TMEM266: variants seen among roughly 807,000 people sequenced by gnomAD.
The protein encoded by TMEM266 is Hv1 related protein 1.
A neutral mutation model predicts 50.5 loss-of-function variants in TMEM266; 33 were observed. That is an observed-to-expected ratio of 0.65 (90% confidence interval 0.50 to 0.87). TMEM266 has a LOEUF of 0.87. Ranked by LOEUF, TMEM266 falls within the 40% of genes least tolerant of loss-of-function variation. The pLI, the probability that TMEM266 is intolerant of heterozygous loss-of-function variation, is 0.00. For missense variants in TMEM266, 655 were observed against 695.1 expected, an observed-to-expected ratio of 0.94 and a Z score of 0.65; for synonymous variants, 310 against 292.3, an observed-to-expected ratio of 1.06 and a Z score of -0.62.
chr15:76,165,629 G>A (rs1027373127), intron 5 of TMEM266, among the ~76,000 whole-genome samples: 8 of 152,210 alleles, frequency 5.3e-5, no homozygotes, highest in Non-Finnish European at 7.3e-5. Flanking sequence ...TGGGGCTGGG[G>A]CTATGGCTGG....
intron 1 of TMEM266, among the ~76,000 whole-genome samples, chr15:76,103,958 A>G (rs2037042123): frequency 6.6e-6 from 1 of 150,780 alleles, no homozygotes; most frequent in Non-Finnish European, 1.5e-5. Context: ...CTGTAATCCC[A>G]GCCCTTTGGG....
chr15:76,069,231 G>T (rs985562112), intron 1 of TMEM266, among the ~76,000 whole-genome samples: 1 of 152,180 alleles, frequency 6.6e-6, no homozygotes, highest in Non-Finnish European at 1.5e-5. Flanking sequence ...AGTCAAGTAG[G>T]TAGCTCTGTG....
Position 76,072,394 on chromosome 15 carries a change from C to T in TMEM266, c.-97+12378C>T, listed in dbSNP as rs368342626. Among the ~76,000 whole-genome samples the T allele has an allele frequency of 2.2e-4, 32 of 147,370 alleles. No homozygotes were observed. In the East Asian group the frequency reaches 4.9e-3, roughly 23 times the overall value. On this transcript the variant is annotated intron_variant, in intron 1 of 10. Transcript: ENST00000388942. Reference sequence around the variant, plus strand: ...TGGAGGTTGCGGTGAGCCGAGATTGCGCCATTGCACTGCAGCCTGGGCAAC... The same window carrying T: ...TGGAGGTTGCGGTGAGCCGAGATTGTGCCATTGCACTGCAGCCTGGGCAAC...
At chr15:76,179,606 G>A (rs1200884690) in intron 8 of TMEM266, among the ~76,000 whole-genome samples, 15 of 152,072 alleles carry the variant, frequency 9.9e-5, no homozygotes, top group Non-Finnish European at 1.5e-5. Context: ...CACAGACCTG[G>A]CTCCCCTCAG....
chr15:76,187,017 A>G (rs1390023317), intron 8 of TMEM266, among the ~76,000 whole-genome samples: 1 of 152,136 alleles, frequency 6.6e-6, no homozygotes, highest in Non-Finnish European at 1.5e-5. Context: ...TGTTCCCTGC[A>G]ATGCAGCTGA....
chr15:76,086,260 T>A (rs1389399814), intron 1 of TMEM266, among the ~76,000 whole-genome samples: 1 of 152,090 alleles, frequency 6.6e-6, no homozygotes. Flanking sequence ...AGCTGAAGAA[T>A]CCAGGCACAG....
chr15:76,070,307 C>T (rs1222465111), intron 1 of TMEM266, among the ~76,000 whole-genome samples: 3 of 152,134 alleles, frequency 2.0e-5, no homozygotes, highest in Non-Finnish European at 4.4e-5. Flanking sequence ...AAGCCTTTTT[C>T]CTTCCAGGTT....
chr15:76,186,005 C>T (rs528226498), intron 8 of TMEM266, among the ~76,000 whole-genome samples: 3 of 152,348 alleles, frequency 2.0e-5, no homozygotes, highest in African/African-American at 7.2e-5. Flanking sequence ...CCTCCAGCCC[C>T]TGCTTTTCCC....
intron 1 of TMEM266, chr15:76,111,980 A>G (rs1383342909): frequency 6.6e-6 from 1 of 152,254 alleles, no homozygotes; most frequent in Non-Finnish European, 1.5e-5. Flanking sequence ...CCATGAAGTG[A>G]TATAGAGAAA....
chr15:76,181,587 G>C (rs2038406381), intron 8 of TMEM266: 1 of 152,186 alleles, frequency 6.6e-6, no homozygotes, highest in Non-Finnish European at 1.5e-5. Flanking sequence ...TTTTGGTGAG[G>C]GGTGGATCTT....
At chr15:76,109,464 G>A (rs928456476) in intron 1 of TMEM266, among the ~76,000 whole-genome samples, 2 of 152,164 alleles carry the variant, frequency 1.3e-5, no homozygotes, top group Non-Finnish European at 2.9e-5. Flanking sequence ...TAAAGACTCC[G>A]CATGCTTGGC....
chr15:76,191,720 T>C (rs1230470721), intron 8 of TMEM266: 1 of 445,372 alleles, frequency 2.2e-6, no homozygotes, highest in East Asian at 3.8e-5. Flanking sequence ...CGGGCATCCG[T>C]GAGATGGGGG....
At chr15:76,149,534 CTG>C (rs1443282600) in intron 3 of TMEM266, among the ~76,000 whole-genome samples, 2 of 152,176 alleles carry the variant, frequency 1.3e-5, no homozygotes, top group Non-Finnish European at 2.9e-5. Context: ...AGGATAAACA[CTG>C]TGTTATGGGC....
At chr15:76,071,746 A>G (rs2955733) in intron 1 of TMEM266, among the ~76,000 whole-genome samples, 130,660 of 152,106 alleles carry the variant, frequency 0.86, 56,225 homozygotes, top group South Asian at 0.91. Context: ...CACTGACCCC[A>G]GAAAGCAAGA....
At chr15:76,127,740 A>G (rs2142024303) in intron 1 of TMEM266, among the ~76,000 whole-genome samples, 1 of 152,302 alleles carries the variant, frequency 6.6e-6, no homozygotes, top group Middle Eastern at 3.4e-3. Flanking sequence ...AGCTTCTGCT[A>G]ATTCCAACAC....
chr15:76,171,738 A>G (rs1007314506), intron 7 of TMEM266, among the ~76,000 whole-genome samples: 2 of 152,182 alleles, frequency 1.3e-5, no homozygotes, highest in South Asian at 2.1e-4. Flanking sequence ...TGCAGAAAGT[A>G]TCTGGTCCAC....
intron 3 of TMEM266, among the ~76,000 whole-genome samples, chr15:76,155,940 A>T (rs1226929700): frequency 6.6e-6 from 1 of 152,252 alleles, no homozygotes; most frequent in Non-Finnish European, 1.5e-5. Flanking sequence ...AAGTGCAGTA[A>T]TAACACATTG....
intron 6 of TMEM266, among the ~76,000 whole-genome samples, chr15:76,170,456 A>T (rs772218926): frequency 4.6e-5 from 7 of 152,238 alleles, no homozygotes; most frequent in Non-Finnish European, 8.8e-5. Context: ...TGGATGGCTC[A>T]GAACACGGCC....
At chr15:76,101,874 T>G (rs1422694518) in intron 1 of TMEM266, among the ~76,000 whole-genome samples, 2 of 152,228 alleles carry the variant, frequency 1.3e-5, no homozygotes, top group African/African-American at 4.8e-5. Flanking sequence ...TGGCTTGATA[T>G]GCTTCAAGGA....
Sources: allele counts gnomAD v4.1 joint callset (sites outside exome capture counted in the v4.1 genomes callset), GRCh38; gene constraint gnomAD v4.1.1; transcripts MANE v1.5; gene names NCBI Gene and HGNC (gene_info 2026-07-23, HGNC 2026-07-21).